The following USP54 variants were observed in gnomAD, a reference collection of about 807,000 sequenced individuals.
USP54 encodes ubiquitin carboxyl-terminal hydrolase 54.
In USP54, 87 loss-of-function variants were observed where a neutral mutation model predicts 170.5. The observed-to-expected ratio is 0.51, with a 90% CI of 0.43 to 0.61. The LOEUF (loss-of-function observed/expected upper bound fraction) is 0.61, where lower values mean the gene tolerates loss of function less well. USP54 is among the 20% of genes least tolerant of loss of function. The pLI, the probability that USP54 is intolerant of heterozygous loss-of-function variation, is 0.00. For synonymous variants in USP54, 655 were observed against 742.8 expected, an observed-to-expected ratio of 0.88 and a Z score of 1.92; for missense variants, 1,786 against 2,047.8, an observed-to-expected ratio of 0.87 and a Z score of 2.47.
chr10:73,576,968 T>C (rs1469204750), intron 1 of USP54, among the ~76,000 whole-genome samples: 1 of 152,204 alleles, frequency 6.6e-6, no homozygotes, highest in Non-Finnish European at 1.5e-5. Flanking sequence ...AGAGATAATT[T>C]GGGTTACAAA....
At chr10:73,625,870 C>A (rs1342503024), upstream of USP54, 1 of 152,194 alleles carries the variant, frequency 6.6e-6, no homozygotes, top group Non-Finnish European at 1.5e-5. Context: ...CCCGCACCCC[C>A]TCCCCAGGCG....
Position 73,613,049 on chromosome 10 carries a change from C to T in USP54, c.-18+12518G>A, listed in dbSNP as rs151256606. On this transcript the variant is annotated intron_variant, in intron 1 of 22. Coordinates refer to the USP54 transcript ENST00000339859. The stretch of plus-strand genomic sequence containing the variant: ...GTGCGTGCCTCTGGTCCCAGCTACT[C>T]AGGAGGCTGAGGTGGGAGGATTGCT... Among the ~76,000 whole-genome samples, 1,251 of 150,842 alleles carry T rather than the reference C, an allele frequency of 8.3e-3. 9 individuals carry two copies. The highest frequency in any genetic ancestry group is 0.012 in the Non-Finnish European group (835 of 67,856).
intron 5 of USP54, among the ~76,000 whole-genome samples, 182 bp from the exon 6 acceptor site, chr10:73,543,313 T>C (rs2067022516): frequency 6.6e-6 from 1 of 152,118 alleles, no homozygotes; most frequent in African/African-American, 2.4e-5. Context: ...GTATAGGAGA[T>C]CCCCTGTACC....
chr10:73,530,899 C>T, intron 12 of USP54, 64 bp from the exon 13 acceptor site: 1 of 1,601,912 alleles, frequency 6.2e-7, no homozygotes, highest in Non-Finnish European at 8.5e-7. Flanking sequence ...TCCTGAGAAC[C>T]TACCTAATCT....
chr10:73,516,412 C>A lies in USP54; in HGVS notation c.4014G>T (p.Gly1338=), dbSNP rs764147397. The part of the protein sequence containing the change: ...QASQAGCSGW[G]QQDTAWHPLS... ...GTGGGTGCCAGGCGGTATCCTGCTG[C>A]CCCCATCCAGAACAGCCAGCTTGAG... Residue 1338 remains glycine (G), a synonymous_variant, in exon 20 of 24, where the codon GGG becomes GGT. Coordinates refer to ENST00000687698, the MANE Select transcript of USP54 (RefSeq NM_001391956.1). The A allele has an allele frequency of 5.0e-6, 8 of 1,613,622 alleles. No homozygotes were observed. In the South Asian group the frequency reaches 6.6e-5, roughly 13 times the overall value.
intron 4 of USP54, among the ~76,000 whole-genome samples, chr10:73,564,989 C>T (rs1332936442): frequency 6.6e-6 from 1 of 150,816 alleles, no homozygotes; most frequent in East Asian, 2.0e-4. Flanking sequence ...CACAGAATTG[C>T]TTGACCCCAG....
intron 20 of USP54, among the ~76,000 whole-genome samples, chr10:73,514,244 C>CA (rs1326335490): frequency 6.6e-6 from 1 of 152,148 alleles, no homozygotes; most frequent in African/African-American, 2.4e-5. Context: ...CATGAGCCAC[C>CA]ATGCCTGGCC....
intron 16 of USP54, among the ~76,000 whole-genome samples, chr10:73,524,512 G>A (rs1283186006): frequency 6.6e-6 from 1 of 152,030 alleles, no homozygotes; most frequent in African/African-American, 2.4e-5. Context: ...CCCGGGAGGT[G>A]GAGGTTGCAG....
chr10:73,515,596 G>T (rs1370739927), intron 20 of USP54, among the ~76,000 whole-genome samples: 5 of 152,102 alleles, frequency 3.3e-5, no homozygotes, highest in Admixed American at 2.6e-4. Context: ...GATCAGGAAG[G>T]TCTTGATATT....
At chr10:73,565,096 T>A (rs547340974) in intron 4 of USP54, among the ~76,000 whole-genome samples, 2 of 152,106 alleles carry the variant, frequency 1.3e-5, no homozygotes, top group African/African-American at 4.8e-5. Context: ...ATACTCAATA[T>A]GATTGTAGCT....
At chr10:73,540,567 C>T (rs1334484648) in intron 9 of USP54, among the ~76,000 whole-genome samples, 1 of 152,128 alleles carries the variant, frequency 6.6e-6, no homozygotes, top group Non-Finnish European at 1.5e-5. Context: ...AAGACTCCAT[C>T]TCAAAAAAAC....
chr10:73,538,722 G>T (rs2065858692), intron 10 of USP54, among the ~76,000 whole-genome samples: 1 of 152,108 alleles, frequency 6.6e-6, no homozygotes, highest in Non-Finnish European at 1.5e-5. Context: ...TAAGGTGAGA[G>T]AATTGCTTAA....
Position 73,517,772 on chromosome 10 carries a change from C to T in USP54, c.2679-25G>A, listed in dbSNP as rs775692301. 61 of 1,583,208 alleles carry T rather than the reference C, an allele frequency of 3.9e-5. No homozygotes were observed. The South Asian group carries it at 7.0e-4, about 18-fold the overall frequency. On this transcript the variant is annotated intron_variant, in intron 19 of 23. Coordinates refer to ENST00000687698, the MANE Select transcript of USP54 (RefSeq NM_001391956.1). ...ACTGAAACAAATGGAGAGAGCTAGTCATAAGCTGCCTTGACTGACAGGAAC... is the reference window on the plus strand; with the variant it reads ...ACTGAAACAAATGGAGAGAGCTAGTTATAAGCTGCCTTGACTGACAGGAAC...
chr10:73,541,379 C>T lies in USP54; in HGVS notation c.821G>A (p.Gly274Asp). ...IHSLGTCLKLGDLFFRVTDDR... is the reference protein window; with the variant it reads ...IHSLGTCLKLDDLFFRVTDDR... The stretch of plus-strand genomic sequence containing the variant: ...ATAAAGGTAACTAACACGCACATCA[C>T]CCAGCTTAAGGCAGGTTCCCAGGCT... Residue 274 changes from glycine to aspartate, a missense_variant, in exon 9 of 24, where the codon GGT becomes GAT. This residue lies in a region of USP54 where 361 missense variants were observed against 455.0 expected (regional missense o/e 0.79). Transcript: ENST00000687698. 6.2e-7 allele frequency: 1 copy of T among 1,614,044 alleles called. No individual in the cohort carries two copies.
intron 5 of USP54, among the ~76,000 whole-genome samples, chr10:73,544,867 C>T (rs2067409002): frequency 6.6e-6 from 1 of 152,126 alleles, no homozygotes; most frequent in Non-Finnish European, 1.5e-5. Context: ...GCGCCCGCCA[C>T]CATGCCTGGC....
Position 73,529,864 on chromosome 10 carries a change from T to C in USP54, c.1876A>G (p.Ile626Val), listed in dbSNP as rs772074646. The C allele has an allele frequency of 6.4e-7, 1 of 1,563,328 alleles. No individual in the cohort carries two copies. Among genetic ancestry groups the C allele is most frequent in the South Asian group, 1.2e-5 (1 of 83,388 alleles). Residue 626 changes from isoleucine to valine, a missense_variant, in exon 15 of 24, where the codon ATT becomes GTT. By Grantham distance (29) the Ile-to-Val change is conservative. This residue lies in a region of USP54 where 1,418 missense variants were observed against 1,569.0 expected (regional missense o/e 0.90). Transcript: ENST00000687698. ...TGGGGGCTTGGTCCACCAAATTTAATGTCGTAAGAAGGTGGCTTGCTTGGT... is the reference window on the plus strand; with the variant it reads ...TGGGGGCTTGGTCCACCAAATTTAACGTCGTAAGAAGGTGGCTTGCTTGGT... Reference protein sequence around the residue: ...DEPSKPPSYDIKFGGPSPQYK... With the variant: ...DEPSKPPSYDVKFGGPSPQYK...
chr10:73,543,965 C>T (rs548620318), intron 5 of USP54, among the ~76,000 whole-genome samples: 197 of 147,608 alleles, frequency 1.3e-3, no homozygotes, highest in Non-Finnish European at 2.1e-3. Context: ...TTTTTTGAGA[C>T]ACACTCTGTC....
At chr10:73,601,798 T>C (rs1465000580) in intron 1 of USP54, among the ~76,000 whole-genome samples, 1 of 152,218 alleles carries the variant, frequency 6.6e-6, no homozygotes, top group Admixed American at 6.5e-5. Flanking sequence ...AATCATTTCC[T>C]GGTCTAGCCA....
chr10:73,529,797 A>G lies in USP54; in HGVS notation c.1943T>C (p.Leu648Ser). 1 of 1,613,508 alleles carries G rather than the reference A, an allele frequency of 6.2e-7. No individual in the cohort carries two copies. Among genetic ancestry groups the G allele is most frequent in the Non-Finnish European group, 8.5e-7 (1 of 1,179,566 alleles). Residue 648 changes from leucine to serine, a missense_variant, in exon 15 of 24, where the codon TTA (leucine) becomes TCA (serine). By Grantham distance (145) the Leu-to-Ser change is moderately radical (BLOSUM62 -2). Transcript: ENST00000687698. Reference protein sequence around the residue: ...WGPARPGSHLLEQHPRLIQRM... With the variant: ...WGPARPGSHLSEQHPRLIQRM... ...CTGGATTAGTCGGGGGTGCTGCTCT[A>G]AAAGGTGAGAGCCTGGCCGTGCTGG...
Sources: gnomAD v4.1 joint callset for allele counts (sites outside exome capture counted in the v4.1 genomes callset) on GRCh38, gnomAD v4.1.1 for gene constraint, gnomAD v4.1.1 regional missense constraint, MANE v1.5 for transcripts, NCBI Gene and HGNC (gene_info 2026-07-23, HGNC 2026-07-21) for gene names.